SOD2: variants seen among roughly 807,000 people sequenced by gnomAD.
SOD2 encodes the protein superoxide dismutase 2.
In SOD2, 11 loss-of-function variants were observed where a neutral mutation model predicts 27.0. That is an observed-to-expected ratio of 0.41 (90% confidence interval 0.26 to 0.67). The LOEUF (loss-of-function observed/expected upper bound fraction) is 0.67. Ranked by LOEUF, SOD2 falls within the 30% of genes least tolerant of loss-of-function variation. The pLI is 0.34. For synonymous variants in SOD2, 105 were observed against 103.0 expected (o/e 1.02, Z -0.12); for missense variants, 250 against 274.5 (o/e 0.91, Z 0.63).
chr6:159,738,210 C>T (rs1253354054), intron 1 of SOD2, among the ~76,000 whole-genome samples: 5 of 152,212 alleles, frequency 3.3e-5, no homozygotes, highest in Non-Finnish European at 5.9e-5. Context: ...AAAGCTTCAT[C>T]GAGTTATTCT....
chr6:159,683,494 A>G (rs2114765689), intron 4 of SOD2, among the ~76,000 whole-genome samples: 1 of 152,292 alleles, frequency 6.6e-6, no homozygotes, highest in South Asian at 2.1e-4. Context: ...CGCACACACA[A>G]AAACACTCAA....
chr6:159,697,542 C>T (rs562362998), upstream of SOD2, among the ~76,000 whole-genome samples: 2 of 152,230 alleles, frequency 1.3e-5, no homozygotes, highest in East Asian at 1.9e-4. Flanking sequence ...ACATTAACTA[C>T]TGGAAAGGAA....
At chr6:159,709,071 A>G (rs1178985916) in intron 1 of SOD2, among the ~76,000 whole-genome samples, 3 of 152,234 alleles carry the variant, frequency 2.0e-5, no homozygotes, top group Non-Finnish European at 4.4e-5. Flanking sequence ...ATATGTAGAA[A>G]GCTGAAACTG....
rs67554039 is a variant in SOD2, at chr6:159,732,886, A to AGTGTGTGTGTGTGTGTGT, written c.-116+12226_-116+12243dup. On this transcript the variant is annotated intron_variant, in intron 1 of 3. Transcript: ENST00000537657. ...TCTCTCTCTCTCTGTATATATATATAGTGTGTGTGTGTGTGTGTGTGTGTG... is the reference window on the plus strand; with the variant it reads ...TCTCTCTCTCTCTGTATATATATATAGTGTGTGTGTGTGTGTGTGTGTGTGTGTGTGTGTGTGTGTGTG... Among the ~76,000 whole-genome samples, 223 of 146,484 alleles carry AGTGTGTGTGTGTGTGTGT rather than the reference A, an allele frequency of 1.5e-3. 1 individual carries two copies. Among genetic ancestry groups the AGTGTGTGTGTGTGTGTGT allele is most frequent in the Middle Eastern group, 6.8e-3 (2 of 292 alleles).
upstream of SOD2, chr6:159,727,703 G>A (rs945795599): frequency 2.0e-6 from 2 of 984,566 alleles, no homozygotes; most frequent in African/African-American, 1.8e-5. Flanking sequence ...TGCCTGGAGA[G>A]GTAGGCGCGG....
intron 1 of SOD2, chr6:159,755,697 T>A (rs1779976647): frequency 7.6e-7 from 1 of 1,312,512 alleles, no homozygotes; most frequent in Non-Finnish European, 9.7e-7. Context: ...TTGTCACAAT[T>A]TGCCTTTTTG....
chr6:159,711,949 T>C (rs1337105714), intron 1 of SOD2, among the ~76,000 whole-genome samples: 1 of 119,990 alleles, frequency 8.3e-6, no homozygotes, highest in East Asian at 3.2e-4. Flanking sequence ...CTCACATTGC[T>C]CTGATCACCA....
intron 1 of SOD2, among the ~76,000 whole-genome samples, chr6:159,758,650 C>A (rs1780063327): frequency 6.6e-6 from 1 of 152,190 alleles, no homozygotes; most frequent in South Asian, 2.1e-4. Flanking sequence ...ATTAACTGAT[C>A]TGGACCCATC....
chr6:159,700,652 CAA>C (rs11294344), intron 1 of SOD2, among the ~76,000 whole-genome samples: 3,991 of 122,102 alleles, frequency 0.033, 85 homozygotes, highest in Middle Eastern at 0.099. Flanking sequence ...GACTCTGTCT[CAA>C]AAAAAAAAAA....
At position 159,700,610 on chromosome 6, in the gene SOD2, C is replaced by T. The variant is rs566578441; in HGVS notation, c.-115-7747G>A. 2.7e-5 allele frequency among the ~76,000 whole-genome samples: 4 copies of T among 147,036 alleles called. No individual in the cohort carries two copies. In the South Asian group the frequency reaches 6.4e-4, roughly 23 times the overall value. On this transcript the variant is annotated intron_variant, in intron 1 of 2. Transcript: ENST00000401980. ...CAGAGCTTGCAGTAAGCCAAGATTG[C>T]GTCACTGCACTCCAGTCTTGGTGAC...
At chr6:159,710,866 C>G (rs1043300745) in intron 1 of SOD2, among the ~76,000 whole-genome samples, 13 of 150,400 alleles carry the variant, frequency 8.6e-5, no homozygotes, top group Non-Finnish European at 7.4e-5. Context: ...AACCACCACT[C>G]AGCTGCTCTG....
intron 1 of SOD2, among the ~76,000 whole-genome samples, chr6:159,700,381 G>A (rs926294417): frequency 2.0e-5 from 3 of 152,124 alleles, no homozygotes; most frequent in Non-Finnish European, 4.4e-5. Context: ...TTGGCCAGGC[G>A]CGGTGGCTCA....
intron 1 of SOD2, among the ~76,000 whole-genome samples, chr6:159,701,676 T>C (rs577255573): frequency 4.1e-4 from 63 of 151,958 alleles, no homozygotes; most frequent in Admixed American, 6.5e-4. Context: ...TAAAGGAATA[T>C]CACTTCATGA....
intron 1 of SOD2, among the ~76,000 whole-genome samples, chr6:159,723,247 A>G (rs1422354078): frequency 6.6e-6 from 1 of 152,202 alleles, no homozygotes; most frequent in African/African-American, 2.4e-5. Flanking sequence ...GAATTTTGAC[A>G]AACGTATACA....
At chr6:159,711,034 AACAGCTCTGAT>A (rs1777738979) in intron 1 of SOD2, among the ~76,000 whole-genome samples, 1 of 48,002 alleles carries the variant, frequency 2.1e-5, no homozygotes, top group African/African-American at 8.1e-5. Flanking sequence ...ACCACCACTC[AACAGCTCTGAT>A]CACCATAACC....
chr6:159,727,498 C>T (rs956480322), upstream of SOD2: 1 of 992,930 alleles, frequency 1.0e-6, no homozygotes, highest in Non-Finnish European at 1.2e-6. Context: ...GCGGCGGGGC[C>T]TGGTTTCCTC....
At chr6:159,698,578 A>T (rs369038008) in intron 1 of SOD2, among the ~76,000 whole-genome samples, 1 of 60,666 alleles carries the variant, frequency 1.6e-5, no homozygotes, top group East Asian at 3.1e-4. Context: ...TCTCAAAAAA[A>T]AAAAAAAAAA....
rs1373741414 is a variant in SOD2, at chr6:159,673,013, T to C, written c.*9480A>G. 1 of 152,174 alleles carries C rather than the reference T, an allele frequency of 6.6e-6. No individual in the cohort carries two copies. Among genetic ancestry groups the C allele is most frequent in the Non-Finnish European group, 1.5e-5 (1 of 68,036 alleles). The allele number at this position is 152,174 out of a possible 1,614,324, so 9.4% of individuals were successfully genotyped here. A position where few individuals can be genotyped will look rare whatever the true frequency, so the allele number is the denominator to read the frequency against. Reference sequence around the variant, plus strand: ...AAAAGAGACAAAGAAGGCCATTACATGATAGTAAAGGGATCAATTCAACAA... The same window carrying C: ...AAAAGAGACAAAGAAGGCCATTACACGATAGTAAAGGGATCAATTCAACAA... On this transcript the variant is annotated 3_prime_UTR_variant, in exon 5 of 5. Transcript: ENST00000538183.
chr6:159,749,048 G>A, upstream of SOD2: 1 of 992,288 alleles, frequency 1.0e-6, no homozygotes. Context: ...ATTTAGTTTG[G>A]GGCTCTATAT....
Sources: allele counts gnomAD v4.1 joint callset (sites outside exome capture counted in the v4.1 genomes callset), GRCh38; gene constraint gnomAD v4.1.1; transcripts MANE v1.5; gene names NCBI Gene and HGNC (gene_info 2026-07-23, HGNC 2026-07-21).